ACOXL: variants seen among roughly 807,000 people sequenced by gnomAD.
ACOXL encodes acyl-coenzyme A oxidase-like protein.
ACOXL carries 70 observed loss-of-function variants against 71.9 expected under a neutral mutation model. The ratio of observed to expected loss-of-function variants is 0.97; its 90% CI spans 0.80 to 1.19. ACOXL has a LOEUF of 1.19. Among genes scored for constraint, ACOXL ranks in the 50% most tolerant of loss-of-function variants. ACOXL has a pLI of 0.00. For synonymous variants in ACOXL, 253 were observed against 281.6 expected, an observed-to-expected ratio of 0.90 and a Z score of 1.02; for missense variants, 703 against 736.3, an observed-to-expected ratio of 0.95 and a Z score of 0.52.
At chr2:110,857,613 G>A (rs1693415398) in intron 10 of ACOXL, among the ~76,000 whole-genome samples, 1 of 152,138 alleles carries the variant, frequency 6.6e-6, no homozygotes, top group Admixed American at 6.5e-5. Context: ...TTGTCTCTTA[G>A]TTTCTACAAT....
intron 9 of ACOXL, among the ~76,000 whole-genome samples, chr2:110,828,855 A>G (rs1689480312): frequency 6.6e-6 from 1 of 151,646 alleles, no homozygotes; most frequent in Admixed American, 6.6e-5. Flanking sequence ...CTTGTTGCCC[A>G]GGCTAGAGTG....
chr2:111,040,394 T>G (rs1382927053), intron 15 of ACOXL, among the ~76,000 whole-genome samples: 2 of 152,228 alleles, frequency 1.3e-5, no homozygotes, highest in Admixed American at 1.3e-4. Context: ...ATCTGACATC[T>G]ACTCAGTTAT....
At chr2:110,989,225 G>A (rs575355601) in intron 13 of ACOXL, among the ~76,000 whole-genome samples, 2 of 151,916 alleles carry the variant, frequency 1.3e-5, no homozygotes, top group Admixed American at 1.3e-4. Context: ...CAGTTGTTCC[G>A]GCACCGTTTA....
intron 8 of ACOXL, among the ~76,000 whole-genome samples, chr2:110,802,041 C>G (rs1227284418): frequency 6.6e-6 from 1 of 152,144 alleles, no homozygotes. Flanking sequence ...CTTCTAGATT[C>G]TATGTTCAAA....
intron 10 of ACOXL, among the ~76,000 whole-genome samples, chr2:110,908,313 G>A (rs2059532776): frequency 6.6e-6 from 1 of 152,336 alleles, no homozygotes; most frequent in East Asian, 1.9e-4. Flanking sequence ...TTGCAGGGGG[G>A]TTTAGGTGGG....
At chr2:110,863,026 T>C (rs996686955) in intron 10 of ACOXL, among the ~76,000 whole-genome samples, 2 of 152,212 alleles carry the variant, frequency 1.3e-5, no homozygotes, top group African/African-American at 4.8e-5. Context: ...TGTTTGAGTT[T>C]GCAAATTTCT....
chr2:110,944,113 AG>A (rs2061004192), intron 12 of ACOXL, among the ~76,000 whole-genome samples: 1 of 152,064 alleles, frequency 6.6e-6, no homozygotes, highest in Non-Finnish European at 1.5e-5. Context: ...GCTGGAGTGC[AG>A]TGGCATGATC....
intron 10 of ACOXL, among the ~76,000 whole-genome samples, chr2:110,846,300 A>T (rs1308968792): frequency 1.3e-5 from 2 of 152,138 alleles, no homozygotes; most frequent in Non-Finnish European, 2.9e-5. Context: ...CGTGGTTCCA[A>T]AATGACAATA....
At chr2:110,913,147 G>T (rs1489049550) in intron 11 of ACOXL, among the ~76,000 whole-genome samples, 3 of 152,168 alleles carry the variant, frequency 2.0e-5, no homozygotes, top group African/African-American at 7.2e-5. Flanking sequence ...CTCATACATT[G>T]CTGGTGGTAA....
At chr2:110,961,086 A>T (rs1008530983) in intron 12 of ACOXL, among the ~76,000 whole-genome samples, 1 of 152,178 alleles carries the variant, frequency 6.6e-6, no homozygotes. Flanking sequence ...CTTTCAGGAG[A>T]TGGGAAGCAA....
intron 9 of ACOXL, among the ~76,000 whole-genome samples, chr2:110,810,591 C>T (rs529373702): frequency 6.6e-6 from 1 of 151,860 alleles, no homozygotes; most frequent in Admixed American, 6.6e-5. Flanking sequence ...CATTCATCAT[C>T]CATGCATCAT....
chr2:110,798,004 GAACA>G (rs936967845), intron 5 of ACOXL, among the ~76,000 whole-genome samples: 36 of 152,238 alleles, frequency 2.4e-4, no homozygotes, highest in African/African-American at 8.4e-4. Flanking sequence ...GGGAGGGAGA[GAACA>G]AACACCTTTT....
chr2:110,877,821 C>T (rs1428084243), intron 10 of ACOXL, among the ~76,000 whole-genome samples: 2 of 152,208 alleles, frequency 1.3e-5, no homozygotes, highest in Non-Finnish European at 2.9e-5. Context: ...TGCCTGCTGG[C>T]GTCTCACCCA....
At chr2:110,932,072 C>T (rs1053691028) in intron 11 of ACOXL, among the ~76,000 whole-genome samples, 8 of 152,156 alleles carry the variant, frequency 5.3e-5, no homozygotes, top group African/African-American at 1.2e-4. Flanking sequence ...GAGTACATTA[C>T]GTAGAATAGA....
intron 12 of ACOXL, chr2:110,968,247 G>A (rs2062018723): frequency 1.8e-6 from 2 of 1,100,976 alleles, no homozygotes; most frequent in Non-Finnish European, 2.8e-6. Flanking sequence ...TTGATGGTCA[G>A]CCAAGTGCCT....
intron 17 of ACOXL, among the ~76,000 whole-genome samples, chr2:111,113,501 C>T (rs550215466): frequency 2.2e-4 from 33 of 152,204 alleles, no homozygotes; most frequent in Admixed American, 6.5e-5. Context: ...TCAAAGACAG[C>T]TAAGTAGCTC....
At chr2:110,790,190 G>A (rs921246269) in intron 3 of ACOXL, among the ~76,000 whole-genome samples, 8 of 152,226 alleles carry the variant, frequency 5.3e-5, no homozygotes, top group Non-Finnish European at 1.2e-4. Context: ...CCTGGGACGT[G>A]GCTGGGGGCC....
At chr2:111,054,012 A>G (rs1395868853) in intron 16 of ACOXL, among the ~76,000 whole-genome samples, 1 of 152,210 alleles carries the variant, frequency 6.6e-6, no homozygotes, top group Non-Finnish European at 1.5e-5. Flanking sequence ...GCTCAGAGCA[A>G]GCCTTCCCTG....
At chr2:110,904,057 C>T (rs1317249711) in intron 10 of ACOXL, among the ~76,000 whole-genome samples, 2 of 152,194 alleles carry the variant, frequency 1.3e-5, no homozygotes, top group African/African-American at 4.8e-5. Context: ...CTTGGAGAAG[C>T]CAGAGAGCAC....
Sources: allele counts gnomAD v4.1 joint callset (sites outside exome capture counted in the v4.1 genomes callset), GRCh38; gene constraint gnomAD v4.1.1; transcripts MANE v1.5; gene names NCBI Gene and HGNC (gene_info 2026-07-23, HGNC 2026-07-21).